Variants in JAZF1 observed in about 807,000 individuals in gnomAD.
JAZF1 encodes juxtaposed with another zinc finger protein 1.
In JAZF1, 8 loss-of-function variants were observed where a neutral mutation model predicts 26.4. That is an observed-to-expected ratio of 0.30 (90% CI 0.18 to 0.55). JAZF1 has a LOEUF of 0.55. Ranked by LOEUF, JAZF1 falls within the 20% of genes least tolerant of loss-of-function variation. The pLI, the probability that JAZF1 is intolerant of heterozygous loss-of-function variation, is 0.94. For synonymous variants in JAZF1, 126 were observed against 122.3 expected (o/e 1.03, Z -0.20); for missense variants, 199 against 322.0 (o/e 0.62, Z 2.92).
At chr7:27,989,676 T>C (rs1473315007) in intron 2 of JAZF1, among the ~76,000 whole-genome samples, 4 of 152,054 alleles carry the variant, frequency 2.6e-5, no homozygotes, top group African/African-American at 9.7e-5. Flanking sequence ...AACAGACACA[T>C]GAAAAAATGC....
Position 28,049,936 on chromosome 7 carries a change from C to T in JAZF1, c.116-57955G>A, listed in dbSNP as rs530883234. ...AATTTTTATGGAGGCTTCATCACAT[C>T]GGCATGATTGATTATGAATTTAATC... On this transcript the variant is annotated intron_variant, in intron 1 of 4. Coordinates refer to ENST00000283928, the MANE Select transcript of JAZF1 (RefSeq NM_175061.4). 3.5e-4 allele frequency among the ~76,000 whole-genome samples: 54 copies of T among 152,240 alleles called. 1 individual carries two copies. Among genetic ancestry groups the T allele is most frequent in the Non-Finnish European group, 6.3e-4 (43 of 67,992 alleles).
intron 1 of JAZF1, among the ~76,000 whole-genome samples, chr7:28,138,516 C>T (rs901358145): frequency 6.6e-6 from 1 of 152,198 alleles, no homozygotes; most frequent in South Asian, 2.1e-4. Flanking sequence ...CAGAATGCTT[C>T]GCTGTTCACC....
chr7:27,831,787 G>A lies in JAZF1; in HGVS notation c.*1013C>T, dbSNP rs577280379. 1 of 221,578 alleles carries A rather than the reference G, an allele frequency of 4.5e-6. No homozygotes were observed. Among genetic ancestry groups the A allele is most frequent in the African/African-American group, 2.2e-5 (1 of 44,720 alleles). 13.7% of individuals were successfully genotyped at this position (221,578 alleles called of 1,614,324 possible). A position where few individuals can be genotyped will look rare whatever the true frequency, so the allele number is the denominator to read the frequency against. On this transcript the variant is annotated 3_prime_UTR_variant, in exon 5 of 5. Transcript: ENST00000283928. The stretch of plus-strand genomic sequence containing the variant: ...TCTTTGAAACGTGCTTAGAATTTTA[G>A]TTCTGATTTGCAACCCACAGGTTTG...
At chr7:28,031,902 T>C (rs752302083) in intron 1 of JAZF1, among the ~76,000 whole-genome samples, 28 of 151,906 alleles carry the variant, frequency 1.8e-4, no homozygotes, top group Non-Finnish European at 3.5e-4. Context: ...GAAAAGAAAA[T>C]GGGCTTCTTT....
At chr7:27,975,136 C>T (rs886425505) in intron 2 of JAZF1, among the ~76,000 whole-genome samples, 4 of 152,164 alleles carry the variant, frequency 2.6e-5, no homozygotes, top group Admixed American at 1.3e-4. Context: ...TCACCTGCCT[C>T]GGCCTCCCAA....
rs918114614 is a variant in JAZF1 at position 28,174,954 on chromosome 7, G to A, written c.115+5509C>T. On this transcript the variant is annotated intron_variant, in intron 1 of 4. Coordinates refer to ENST00000283928, the MANE Select transcript of JAZF1 (RefSeq NM_175061.4). ...CCAAGCCACAGGGCACAGGCAGAGA[G>A]CAGGGCAGGCAGCAACAAGCCTTTC... Among the ~76,000 whole-genome samples, 16 of 73,938 alleles carry A rather than the reference G, an allele frequency of 2.2e-4. 6 individuals carry two copies. Among genetic ancestry groups the A allele is most frequent in the Non-Finnish European group, 7.0e-4 (15 of 21,284 alleles). 48.5% of individuals were successfully genotyped at this position (73,938 alleles called of 152,430 possible).
intron 1 of JAZF1, among the ~76,000 whole-genome samples, chr7:28,097,964 T>G (rs1219405511): frequency 6.6e-6 from 1 of 152,236 alleles, no homozygotes; most frequent in Non-Finnish European, 1.5e-5. Flanking sequence ...TAGTTATTAT[T>G]ATTAAATCTC....
chr7:27,988,704 A>C (rs1785816590), intron 2 of JAZF1, among the ~76,000 whole-genome samples: 1 of 152,092 alleles, frequency 6.6e-6, no homozygotes, highest in South Asian at 2.1e-4. Context: ...AAAATAGCAT[A>C]TCATTGTTTG....
chr7:28,127,755 A>G (rs1782720248), intron 1 of JAZF1, among the ~76,000 whole-genome samples: 1 of 152,180 alleles, frequency 6.6e-6, no homozygotes, highest in Non-Finnish European at 1.5e-5. Context: ...ATCATGGCAG[A>G]AGGGAAAGCA....
At chr7:27,964,605 C>T (rs1037282354) in intron 2 of JAZF1, among the ~76,000 whole-genome samples, 4 of 151,352 alleles carry the variant, frequency 2.6e-5, no homozygotes, top group South Asian at 2.1e-4. Flanking sequence ...ATTTTCAAAG[C>T]TTACTTTTTA....
intron 1 of JAZF1, among the ~76,000 whole-genome samples, chr7:28,099,773 G>T (rs1784443573): frequency 6.6e-6 from 1 of 152,162 alleles, no homozygotes; most frequent in Non-Finnish European, 1.5e-5. Flanking sequence ...ACCGCGCCTG[G>T]CCTTTTAAAC....
rs58448766 is a variant in JAZF1, at chr7:28,120,501, CTTTTT to C, written c.115+59957_115+59961del. 3.7e-4 allele frequency among the ~76,000 whole-genome samples: 22 copies of C among 59,014 alleles called. No homozygotes were observed. The South Asian group carries it at 9.3e-3, about 25-fold the overall frequency. 38.7% of individuals were successfully genotyped at this position (59,014 alleles called of 152,430 possible). A position where few individuals can be genotyped will look rare whatever the true frequency, so the allele number is the denominator to read the frequency against. On this transcript the variant is annotated intron_variant, in intron 1 of 4. Coordinates refer to ENST00000283928, the MANE Select transcript of JAZF1 (RefSeq NM_175061.4). ...TCTGAACCACTAGCCACACACAGTT[CTTTTT>C]TTTTTTTTTTTTTTTTTTTTGAGAC...
chr7:28,146,556 A>T (rs1783030988), intron 1 of JAZF1, among the ~76,000 whole-genome samples: 1 of 152,224 alleles, frequency 6.6e-6, no homozygotes, highest in Admixed American at 6.5e-5. Context: ...AATATAATCA[A>T]GTGTTTACTT....
At chr7:28,087,758 G>C (rs1784233019) in intron 1 of JAZF1, among the ~76,000 whole-genome samples, 1 of 152,172 alleles carries the variant, frequency 6.6e-6, no homozygotes, top group South Asian at 2.1e-4. Context: ...AAGAATGCAA[G>C]GAGGAGGTCA....
At chr7:28,127,505 T>C (rs1422179390) in intron 1 of JAZF1, among the ~76,000 whole-genome samples, 3 of 152,014 alleles carry the variant, frequency 2.0e-5, no homozygotes, top group Admixed American at 2.0e-4. Flanking sequence ...ATGTTAACCC[T>C]TAGAGAGAAA....
chr7:28,145,667 T>C (rs1321038743), intron 1 of JAZF1, among the ~76,000 whole-genome samples: 4 of 152,084 alleles, frequency 2.6e-5, no homozygotes, highest in African/African-American at 9.7e-5. Flanking sequence ...TTTATGTGTG[T>C]AGTTTGATGG....
At chr7:28,144,820 C>A (rs1363728922) in intron 1 of JAZF1, among the ~76,000 whole-genome samples, 1 of 152,108 alleles carries the variant, frequency 6.6e-6, no homozygotes, top group African/African-American at 2.4e-5. Flanking sequence ...CCGATTTCAG[C>A]CTTTTTAAAT....
chr7:27,860,837 TC>T (rs1277477789), intron 3 of JAZF1, among the ~76,000 whole-genome samples: 1 of 151,468 alleles, frequency 6.6e-6, no homozygotes, highest in Non-Finnish European at 1.5e-5. Flanking sequence ...GTATTCTGGT[TC>T]CCCCCATCCC....
chr7:27,926,596 C>T (rs938671768), intron 2 of JAZF1, among the ~76,000 whole-genome samples: 11 of 152,214 alleles, frequency 7.2e-5, no homozygotes, highest in East Asian at 1.9e-4. Context: ...TTGCCTTCAA[C>T]GTATGAACAC....
Sources: gnomAD v4.1 joint callset for allele counts (sites outside exome capture counted in the v4.1 genomes callset) on GRCh38, gnomAD v4.1.1 for gene constraint, MANE v1.5 for transcripts, NCBI Gene and HGNC (gene_info 2026-07-23, HGNC 2026-07-21) for gene names.